Variants in RGS7 observed in about 807,000 individuals in gnomAD.
RGS7 encodes the protein regulator of G-protein signaling 7.
RGS7 carries 27 observed loss-of-function variants against 81.1 expected under a neutral mutation model. The ratio of observed to expected loss-of-function variants is 0.33; its 90% CI spans 0.25 to 0.46. RGS7 has a LOEUF of 0.46. Ranked by LOEUF, RGS7 falls within the 20% of genes least tolerant of loss-of-function variation. RGS7 has a pLI of 1.00. For synonymous variants in RGS7, 208 were observed against 207.7 expected, an observed-to-expected ratio of 1.00 and a Z score of -0.01; for missense variants, 396 against 607.4, an observed-to-expected ratio of 0.65 and a Z score of 3.66.
intron 3 of RGS7, among the ~76,000 whole-genome samples, chr1:241,024,133 C>G (rs919014204): frequency 6.6e-6 from 1 of 152,152 alleles, no homozygotes; most frequent in Non-Finnish European, 1.5e-5. Flanking sequence ...GGACTGTAAC[C>G]CAGGCCACCT....
chr1:240,868,650 G>T lies in RGS7; in HGVS notation c.546C>A (p.Asp182Glu). 2 of 1,614,080 alleles carry T rather than the reference G, an allele frequency of 1.2e-6. No individual in the cohort carries two copies. The highest frequency in any genetic ancestry group is 4.5e-5 in the East Asian group (2 of 44,872). ...TGTCAAGGATCTTCCTTTCAATCTT[G>T]TCTCTCTTCTTGTCCACTCTGTCAA... is the stretch of plus-strand genomic sequence containing the variant. ...EAQAKVDKKRDKIERKILDSQ... is the reference protein window; with the variant it reads ...EAQAKVDKKREKIERKILDSQ... The change falls in exon 9 of 19, where the codon GAC becomes GAA. Residue 182 changes from aspartate to glutamate, a missense_variant. Transcript: ENST00000440928. The surrounding 1 kb of genome is among the most constrained non-coding windows in gnomAD (Gnocchi z 5.1).
chr1:241,191,565 A>T (rs1440354401), intron 2 of RGS7, among the ~76,000 whole-genome samples: 1 of 152,114 alleles, frequency 6.6e-6, no homozygotes, highest in Non-Finnish European at 1.5e-5. Flanking sequence ...ATCGCTCTTT[A>T]GTTTCCTTTT....
intron 4 of RGS7, among the ~76,000 whole-genome samples, chr1:240,972,401 A>G (rs964579477): frequency 1.3e-5 from 2 of 149,362 alleles, no homozygotes; most frequent in Admixed American, 1.3e-4. Context: ...TTGTAGGGAC[A>G]TGGATGAAAT....
At chr1:240,932,876 C>CTTTTTTTTTTTTT (rs36194238) in intron 5 of RGS7, among the ~76,000 whole-genome samples, 2 of 57,328 alleles carry the variant, frequency 3.5e-5, no homozygotes, top group African/African-American at 6.8e-5. Context: ...TGGTATCTTT[C>CTTTTTTTTTTTTT]TTTTTTTTTT....
At chr1:240,982,728 T>A (rs1427080869) in intron 4 of RGS7, among the ~76,000 whole-genome samples, 1 of 152,208 alleles carries the variant, frequency 6.6e-6, no homozygotes, top group Non-Finnish European at 1.5e-5. Flanking sequence ...TAATGAGATG[T>A]ATGTGTCTTA....
At chr1:241,001,807 T>C (rs753082393) in intron 3 of RGS7, among the ~76,000 whole-genome samples, 2 of 152,034 alleles carry the variant, frequency 1.3e-5, no homozygotes, top group Non-Finnish European at 2.9e-5. Flanking sequence ...GCATAGAGGA[T>C]TGTTAGGGCA....
intron 2 of RGS7, among the ~76,000 whole-genome samples, chr1:241,141,407 T>A (rs2067911993): frequency 1.3e-5 from 2 of 152,166 alleles, no homozygotes; most frequent in South Asian, 4.1e-4. Flanking sequence ...ACTGTATTAA[T>A]CCATTCTCAC....
intron 10 of RGS7, among the ~76,000 whole-genome samples, chr1:240,823,926 G>A (rs1330755681): frequency 6.7e-6 from 1 of 149,852 alleles, no homozygotes; most frequent in Non-Finnish European, 1.5e-5. Context: ...CAGACCGACA[G>A]TTCCCCTTCA....
At chr1:241,276,118 C>T (rs1226832025) in intron 2 of RGS7, among the ~76,000 whole-genome samples, 3 of 152,122 alleles carry the variant, frequency 2.0e-5, no homozygotes, top group Non-Finnish European at 2.9e-5. Flanking sequence ...CTGTTCTTAA[C>T]GTTTGTGTTG....
At chr1:241,338,888 C>T (rs1381680547) in intron 2 of RGS7, among the ~76,000 whole-genome samples, 2 of 151,994 alleles carry the variant, frequency 1.3e-5, no homozygotes, top group African/African-American at 2.4e-5. Context: ...TTGCCTTGCA[C>T]ATATTAATTT....
At chr1:240,921,732 A>C (rs939029987) in intron 6 of RGS7, among the ~76,000 whole-genome samples, 9 of 152,214 alleles carry the variant, frequency 5.9e-5, no homozygotes, top group South Asian at 4.1e-4. Context: ...AAGAGTACAA[A>C]ATTCTTTTAA....
intron 3 of RGS7, among the ~76,000 whole-genome samples, chr1:241,001,663 C>G (rs1688161276): frequency 6.6e-6 from 1 of 152,092 alleles, no homozygotes; most frequent in African/African-American, 2.4e-5. Context: ...GTGCATATTA[C>G]TAAGTGAAAG....
chr1:241,095,909 G>C (rs78258708), intron 3 of RGS7, among the ~76,000 whole-genome samples: 2,210 of 152,236 alleles, frequency 0.015, 61 homozygotes, highest in African/African-American at 0.05. Context: ...ATCTCTCCCT[G>C]TAAGTTTCCA....
intron 9 of RGS7, among the ~76,000 whole-genome samples, chr1:240,853,818 G>C (rs577973154): frequency 1.4e-5 from 2 of 141,502 alleles, no homozygotes; most frequent in Admixed American, 1.5e-4. Context: ...GGAGAATGGC[G>C]TGAACCCGGG....
intron 3 of RGS7, among the ~76,000 whole-genome samples, chr1:241,094,781 T>C (rs1484363942): frequency 6.6e-6 from 1 of 152,210 alleles, no homozygotes; most frequent in Non-Finnish European, 1.5e-5. Flanking sequence ...GCAGGGGGAA[T>C]TGGATTATAG....
chr1:241,026,813 C>T (rs2059811987), intron 3 of RGS7, among the ~76,000 whole-genome samples: 1 of 138,880 alleles, frequency 7.2e-6, no homozygotes, highest in African/African-American at 2.5e-5. Flanking sequence ...ACTTGGTGAG[C>T]GGGGTTTGGG....
intron 3 of RGS7, among the ~76,000 whole-genome samples, chr1:241,079,417 T>C (rs2063010567): frequency 6.6e-6 from 1 of 152,104 alleles, no homozygotes; most frequent in Non-Finnish European, 1.5e-5. Context: ...CACATGTCCA[T>C]CGAGAATAAA....
At chr1:240,915,662 T>A (rs942770400) in intron 6 of RGS7, among the ~76,000 whole-genome samples, 2 of 152,154 alleles carry the variant, frequency 1.3e-5, no homozygotes, top group African/African-American at 4.8e-5. Flanking sequence ...CTCATTTATT[T>A]AGTACATCAC....
chr1:240,910,511 T>TC (rs2148246395), intron 6 of RGS7, among the ~76,000 whole-genome samples: 1 of 152,230 alleles, frequency 6.6e-6, no homozygotes, highest in East Asian at 1.9e-4. Flanking sequence ...AGGAATAAAT[T>TC]CTAGTGTTCT....
Sources: allele counts gnomAD v4.1 joint callset (sites outside exome capture counted in the v4.1 genomes callset), GRCh38; gene constraint gnomAD v4.1.1; non-coding constraint Gnocchi (gnomAD v3.1); transcripts MANE v1.5; gene names NCBI Gene and HGNC (gene_info 2026-07-23, HGNC 2026-07-21).